Variants in PUM3 observed in about 807,000 individuals in gnomAD.
PUM3 encodes the protein pumilio homolog 3.
Under a neutral mutation model 84.0 loss-of-function variants are expected in PUM3, and 91 were observed. The ratio of observed to expected loss-of-function variants is 1.08; its 90% CI spans 0.91 to 1.29. PUM3 has a LOEUF of 1.29. Among genes scored for constraint, PUM3 ranks in the 50% most tolerant of loss-of-function variants. The pLI is 0.00. For synonymous variants in PUM3, 321 were observed against 266.7 expected, an observed-to-expected ratio of 1.20 and a Z score of -1.98; for missense variants, 1,067 against 767.5, an observed-to-expected ratio of 1.39 and a Z score of -4.61.
At chr9:2,815,601 C>T (rs12340564) in intron 13 of PUM3, among the ~76,000 whole-genome samples, 16,478 of 152,202 alleles carry the variant, frequency 0.11, 1,681 homozygotes, top group African/African-American at 0.27. Flanking sequence ...TCATGGGCTA[C>T]TACCAGGAGC....
intron 3 of PUM3, among the ~76,000 whole-genome samples, chr9:2,836,072 G>A (rs111585289): frequency 3.0e-4 from 45 of 152,220 alleles, no homozygotes; most frequent in African/African-American, 1.0e-3. Flanking sequence ...AATGAAAAGA[G>A]AAGATCAAGA....
chr9:2,833,643 T>G (rs1586727453), intron 4 of PUM3, among the ~76,000 whole-genome samples: 1 of 152,160 alleles, frequency 6.6e-6, no homozygotes, highest in Middle Eastern at 3.4e-3. Context: ...AGGTATAATT[T>G]TAGGTATCAA....
intron 2 of PUM3, among the ~76,000 whole-genome samples, chr9:2,838,079 A>T (rs1350838204): frequency 6.6e-6 from 1 of 152,164 alleles, no homozygotes; most frequent in Non-Finnish European, 1.5e-5. Flanking sequence ...ACCATTATAA[A>T]TTCTGAACCT....
intron 5 of PUM3, among the ~76,000 whole-genome samples, chr9:2,832,198 G>C (rs1340723646): frequency 6.6e-6 from 1 of 152,108 alleles, no homozygotes; most frequent in Non-Finnish European, 1.5e-5. Context: ...AAATAAGGCT[G>C]TTTTTGTGCA....
At chr9:2,810,227 T>G (rs1821337435) in intron 16 of PUM3, 117 bp downstream of exon 16, 1 of 687,760 alleles carries the variant, frequency 1.5e-6, no homozygotes, top group Admixed American at 2.6e-5. Flanking sequence ...CAGACACCAT[T>G]TCTAGACACT....
rs1815839272 is a variant in PUM3, at chr9:2,827,013, CA to C, written c.1035+59del. The C allele has an allele frequency of 4.3e-6, 6 of 1,394,612 alleles. No individual in the cohort carries two copies. The Middle Eastern group carries it at 1.1e-3, about 248-fold the overall frequency. 86.4% of individuals were successfully genotyped at this position (1,394,612 alleles called of 1,614,324 possible). On this transcript the variant is annotated intron_variant, in intron 10 of 17. Coordinates refer to ENST00000397885, the MANE Select transcript of PUM3 (RefSeq NM_014878.5). The stretch of plus-strand genomic sequence containing the variant: ...GACAACGTACATCAAAGCAGTTTTT[CA>C]AATTTCTACACCGCTCCTCCTCCAT...
intron 17 of PUM3, among the ~76,000 whole-genome samples, chr9:2,805,777 G>A (rs373868104): frequency 2.0e-5 from 3 of 151,668 alleles, no homozygotes; most frequent in Non-Finnish European, 2.9e-5. Context: ...ACGACCATAG[G>A]GTTATCATTA....
At position 2,824,716 on chromosome 9, in the gene PUM3, C is replaced by A; in HGVS notation, c.1134+1G>T. The A allele has an allele frequency of 6.5e-7, 1 of 1,535,700 alleles. No individual in the cohort carries two copies. Among genetic ancestry groups the A allele is most frequent in the Non-Finnish European group, 8.8e-7 (1 of 1,130,060 alleles). ...AAATGCCCAAGTGCTGTCACACTTA[C>A]CTTGGGCGTGCCATGCCACAGGCAG... On this transcript the variant is annotated splice_donor_variant, in intron 11 of 17. Transcript: ENST00000397885. LOFTEE classifies it high-confidence loss of function.
intron 12 of PUM3, among the ~76,000 whole-genome samples, chr9:2,822,323 G>A (rs1484591621): frequency 6.6e-6 from 1 of 151,950 alleles, no homozygotes; most frequent in Non-Finnish European, 1.5e-5. Flanking sequence ...AAAATACTTA[G>A]ACCATATGTT....
intron 15 of PUM3, among the ~76,000 whole-genome samples, 161 bp downstream of exon 15, chr9:2,811,200 G>T (rs1209860949): frequency 1.3e-5 from 2 of 152,188 alleles, no homozygotes; most frequent in African/African-American, 4.8e-5. Flanking sequence ...GATGGTTAGA[G>T]AAAATTAAAG....
Position 2,837,166 on chromosome 9 carries a change from G to A in PUM3, c.304+14C>T, listed in dbSNP as rs749101134. On this transcript the variant is annotated intron_variant, in intron 3 of 17. Transcript: ENST00000397885. ...TTCAGGCACTAGTTCAGGCATGAACGAACCAGTACTTACCATCGCTTCTAC... is the reference window on the plus strand; with the variant it reads ...TTCAGGCACTAGTTCAGGCATGAACAAACCAGTACTTACCATCGCTTCTAC... 1.1e-5 allele frequency: 17 copies of A among 1,608,694 alleles called. 1 individual carries two copies. Among genetic ancestry groups the A allele is most frequent in the Middle Eastern group, 1.7e-4 (1 of 5,970 alleles).
rs748383609 is a variant in PUM3, at chr9:2,833,421, TCA to T, written c.450_451del (p.Cys150Ter). 5 of 1,574,762 alleles carry T rather than the reference TCA, an allele frequency of 3.2e-6. No homozygotes were observed. The highest frequency in any genetic ancestry group is 1.3e-5 in the African/African-American group (1 of 74,084). On this transcript the variant is annotated stop_gained and frameshift_variant, in exon 5 of 18. Coordinates refer to ENST00000397885, the MANE Select transcript of PUM3 (RefSeq NM_014878.5). LOFTEE classifies it high-confidence loss of function. ...CATTAACTTTACTCTTTTTTCTTTGTCACAGTCTTTTCTACAAATGAGGAGAG... is the reference window on the plus strand; with the variant it reads ...CATTAACTTTACTCTTTTTTCTTTGTCAGTCTTTTCTACAAATGAGGAGAG...
chr9:2,818,966 T>A (rs1205510665), intron 13 of PUM3, among the ~76,000 whole-genome samples: 1 of 152,244 alleles, frequency 6.6e-6, no homozygotes, highest in Non-Finnish European at 1.5e-5. Context: ...TCTTTTTGAA[T>A]CATCATATTC....
intron 17 of PUM3, among the ~76,000 whole-genome samples, chr9:2,807,538 G>C (rs1238917092): frequency 1.4e-5 from 2 of 147,044 alleles, no homozygotes; most frequent in Non-Finnish European, 3.0e-5. Flanking sequence ...AGGAGGTTGA[G>C]GCTGCAGTGA....
chr9:2,816,333 G>A (rs1821468983), intron 13 of PUM3, among the ~76,000 whole-genome samples: 1 of 152,154 alleles, frequency 6.6e-6, no homozygotes, highest in South Asian at 2.1e-4. Context: ...CAGGGTGACT[G>A]TTTCCAAAAG....
rs1821388794 is a variant in PUM3 at position 2,812,210 on chromosome 9, T to C, written c.1412+10A>G. On this transcript the variant is annotated intron_variant, in intron 14 of 17. Coordinates refer to ENST00000397885, the MANE Select transcript of PUM3 (RefSeq NM_014878.5). ...GAATAAAGAAGTCAAGCCATTCTACTTGGTTTTACCTGTGTGCATTTCCAT... is the reference window on the plus strand; with the variant it reads ...GAATAAAGAAGTCAAGCCATTCTACCTGGTTTTACCTGTGTGCATTTCCAT... The C allele has an allele frequency of 6.2e-7, 1 of 1,612,022 alleles. No homozygotes were observed. The highest frequency in any genetic ancestry group is 1.7e-5 in the Admixed American group (1 of 59,938).
rs1476815902 is a variant in PUM3 at position 2,811,296 on chromosome 9, T to C, written c.1635+65A>G. 3 of 1,416,218 alleles carry C rather than the reference T, an allele frequency of 2.1e-6. No individual in the cohort carries two copies. The African/African-American group carries it at 4.2e-5, about 20-fold the overall frequency. The allele number at this position is 1,416,218 out of a possible 1,614,324, so 87.7% of individuals were successfully genotyped here. The stretch of plus-strand genomic sequence containing the variant: ...CCAGCTTTCTTACTGACACCCCACA[T>C]CGTCCAAAAACGAAGTTTTTGTGGC... On this transcript the variant is annotated intron_variant, in intron 15 of 17. Transcript: ENST00000397885.
intron 11 of PUM3, among the ~76,000 whole-genome samples, 154 bp downstream of exon 11, chr9:2,824,563 C>T (rs1319002382): frequency 1.3e-5 from 2 of 152,228 alleles, no homozygotes; most frequent in Non-Finnish European, 2.9e-5. Flanking sequence ...ATGGCTCATT[C>T]CCATCAGGCT....
At chr9:2,807,110 A>G (rs752404518) in intron 17 of PUM3, among the ~76,000 whole-genome samples, 1 of 152,118 alleles carries the variant, frequency 6.6e-6, no homozygotes, top group African/African-American at 2.4e-5. Context: ...CAGGAGGCTG[A>G]GGCAGGAGAA....
Sources: allele counts gnomAD v4.1 joint callset (sites outside exome capture counted in the v4.1 genomes callset), GRCh38; gene constraint gnomAD v4.1.1; transcripts MANE v1.5; gene names NCBI Gene and HGNC (gene_info 2026-07-23, HGNC 2026-07-21).